Variants in CCDC40 observed in about 807,000 individuals in gnomAD.
The protein encoded by CCDC40 is coiled-coil domain 40 molecular ruler complex subunit, also known as coiled-coil domain-containing protein 40.
A neutral mutation model predicts 124.5 loss-of-function variants in CCDC40; 104 were observed. The observed-to-expected ratio is 0.84, with a 90% CI of 0.71 to 0.98. The LOEUF (loss-of-function observed/expected upper bound fraction) is 0.98. CCDC40 is among the 50% of genes least tolerant of loss of function. CCDC40 has a pLI of 0.00. For missense variants in CCDC40, 1,463 were observed against 1,503.9 expected (o/e 0.97, Z 0.45); for synonymous variants, 580 against 602.9 (o/e 0.96, Z 0.56).
rs1398449246 is a variant in CCDC40 at position 80,040,033 on chromosome 17, G to A, written c.315G>A (p.Gly105=). The A allele has an allele frequency of 1.2e-6, 2 of 1,613,990 alleles. No individual in the cohort carries two copies. The highest frequency in any genetic ancestry group is 1.7e-6 in the Non-Finnish European group (2 of 1,179,962). The change falls in exon 3 of 20, where the codon GGG becomes GGA. Residue 105 remains glycine (G), a synonymous_variant. Coordinates refer to ENST00000397545, the MANE Select transcript of CCDC40 (RefSeq NM_017950.4). ...ATACAGAAACTTCATCCCCGGAAGG[G>A]CAAATCAGTGCTGCAGATACGACTT... ...YYYTETSSPE[G]QISAADTTYP... is the part of the protein sequence containing the mutation.
At chr17:80,050,916 G>A (rs1183514055) in intron 7 of CCDC40, among the ~76,000 whole-genome samples, 5 of 152,200 alleles carry the variant, frequency 3.3e-5, no homozygotes, top group Admixed American at 2.0e-4. Context: ...CAATAGATGC[G>A]AATGCGAGGG....
chr17:80,048,862 C>A, intron 5 of CCDC40, 101 bp downstream of exon 5: 2 of 1,068,248 alleles, frequency 1.9e-6, no homozygotes, highest in Middle Eastern at 2.0e-4. Flanking sequence ...ACCCTAAATG[C>A]TGTACTTGTA....
At chr17:80,095,488 C>T (rs1219639713) in intron 18 of CCDC40, 37 bp downstream of exon 18, 4 of 1,598,428 alleles carry the variant, frequency 2.5e-6, no homozygotes, top group South Asian at 1.1e-5. Flanking sequence ...GCGCCTGCTC[C>T]TCTCTCTGGG....
At chr17:80,072,236 T>C (rs147316428) in intron 10 of CCDC40, among the ~76,000 whole-genome samples, 42 of 152,324 alleles carry the variant, frequency 2.8e-4, no homozygotes, top group Non-Finnish European at 5.1e-4. Flanking sequence ...TATTGGTGCC[T>C]GCTGATCTAC....
At chr17:80,098,526 G>T (rs2038852119) in intron 19 of CCDC40, among the ~76,000 whole-genome samples, 1 of 152,242 alleles carries the variant, frequency 6.6e-6, no homozygotes, top group Admixed American at 6.5e-5. Context: ...ATTCCTGCTG[G>T]GTTGGCTGTG....
At chr17:80,078,901 T>G (rs1372014178) in intron 10 of CCDC40, among the ~76,000 whole-genome samples, 5 of 151,934 alleles carry the variant, frequency 3.3e-5, no homozygotes, top group Admixed American at 1.3e-4. Context: ...TTCTGCTTCA[T>G]GGACATGGCA....
At position 80,038,392 on chromosome 17, in the gene CCDC40, G is replaced by A. The variant is rs567959842; in HGVS notation, c.93+206G>A. On this transcript the variant is annotated intron_variant, in intron 2 of 19. Transcript: ENST00000397545. Reference sequence around the variant, plus strand: ...CTAAAAATATAAAAATTAGCCGGGCGTGGTGGTGCGCACATGTAGTCCCAG... The same window carrying A: ...CTAAAAATATAAAAATTAGCCGGGCATGGTGGTGCGCACATGTAGTCCCAG... 3.9e-5 allele frequency among the ~76,000 whole-genome samples: 6 copies of A among 152,156 alleles called. No individual in the cohort carries two copies. In the East Asian group the frequency reaches 5.8e-4, roughly 15 times the overall value.
intron 16 of CCDC40, chr17:80,088,310 C>T (rs751396191): frequency 1.0e-4 from 61 of 604,918 alleles, no homozygotes; most frequent in Admixed American, 3.6e-4. Context: ...GGAGTGCAGC[C>T]GTGCGATCTC....
At chr17:80,060,637 A>T (rs1383926576) in intron 9 of CCDC40, among the ~76,000 whole-genome samples, 2 of 152,206 alleles carry the variant, frequency 1.3e-5, no homozygotes, top group African/African-American at 4.8e-5. Context: ...GATCCAATGA[A>T]ATATGATCAT....
At chr17:80,075,382 A>G (rs892658082) in intron 10 of CCDC40, among the ~76,000 whole-genome samples, 2 of 151,404 alleles carry the variant, frequency 1.3e-5, no homozygotes, top group African/African-American at 4.9e-5. Context: ...GGTTCAAGCA[A>G]TTCTCCTGCC....
At position 80,081,657 on chromosome 17, in the gene CCDC40, A is replaced by G; in HGVS notation, c.1674A>G (p.Thr558=). The G allele has an allele frequency of 6.2e-7, 1 of 1,614,224 alleles. No homozygotes were observed. The highest frequency in any genetic ancestry group is 1.3e-5 in the African/African-American group (1 of 75,074). Residue 558 remains threonine, a synonymous_variant, in exon 11 of 20, where the codon ACA becomes ACG. Transcript: ENST00000397545. ...AGCTGGCGAGCATCCTGAACCGGACAGAGACGGAAGCCACACTGCTGCAGA... is the reference window on the plus strand; with the variant it reads ...AGCTGGCGAGCATCCTGAACCGGACGGAGACGGAAGCCACACTGCTGCAGA... ...NEKLASILNR[T]ETEATLLQKL...
chr17:80,038,038 C>A, intron 1 of CCDC40, 85 bp from the exon 2 acceptor site: 2 of 860,334 alleles, frequency 2.3e-6, no homozygotes, highest in African/African-American at 1.7e-5. Flanking sequence ...AGTAAATAAA[C>A]AGATGTGCAG....
rs749953267 is a variant in CCDC40, at chr17:80,099,915, C to T, written c.*140C>T. 136 of 905,892 alleles carry T rather than the reference C, an allele frequency of 1.5e-4. 2 individuals carry two copies. In the Middle Eastern group the frequency reaches 1.7e-3, roughly 11 times the overall value. 56.1% of individuals were successfully genotyped at this position (905,892 alleles called of 1,614,324 possible). A position where few individuals can be genotyped will look rare whatever the true frequency, so the allele number is the denominator to read the frequency against. On this transcript the variant is annotated 3_prime_UTR_variant, in exon 20 of 20. Transcript: ENST00000397545. Reference sequence around the variant, plus strand: ...GCATCGTTTAAGAGAAATAAGCCAGCCCCACCCATAGGAATCTTTTTAGCC... The same window carrying T: ...GCATCGTTTAAGAGAAATAAGCCAGTCCCACCCATAGGAATCTTTTTAGCC...
At position 80,066,465 on chromosome 17, in the gene CCDC40, T is replaced by A. The variant is rs964810511; in HGVS notation, c.1562+859T>A. ...CAAATGAATAATATTGGATTAACCA[T>A]ACTCATTTCTGGCCAGGCGCAGTGG... On this transcript the variant is annotated intron_variant, in intron 10 of 19. Coordinates refer to ENST00000397545, the MANE Select transcript of CCDC40 (RefSeq NM_017950.4). The surrounding 1 kb of genome is among the most constrained non-coding windows in gnomAD (Gnocchi z 4.4). 2.7e-6 allele frequency: 1 copy of A among 374,284 alleles called. No homozygotes were observed. Among genetic ancestry groups the A allele is most frequent in the Non-Finnish European group, 4.9e-6 (1 of 205,160 alleles). The allele number at this position is 374,284 out of a possible 1,614,324, so 23.2% of individuals were successfully genotyped here.
At chr17:80,089,038 C>A (rs922950265) in intron 16 of CCDC40, among the ~76,000 whole-genome samples, 1 of 152,242 alleles carries the variant, frequency 6.6e-6, no homozygotes, top group South Asian at 2.1e-4. Flanking sequence ...CTATACAATG[C>A]GTGCAAAGTA....
At chr17:80,079,098 T>A in intron 10 of CCDC40, among the ~76,000 whole-genome samples, 1 of 152,076 alleles carries the variant, frequency 6.6e-6, no homozygotes, top group East Asian at 1.9e-4. Flanking sequence ...CACGCCCGGC[T>A]AATTTTTTTT....
intron 1 of CCDC40, 109 bp downstream of exon 1, chr17:80,036,800 T>TC: frequency 1.0e-6 from 1 of 1,002,806 alleles, no homozygotes; most frequent in Non-Finnish European, 1.4e-6. Flanking sequence ...TCGCCTCCAC[T>TC]CCCCCTTCCT....
In CCDC40 at chr17:80,087,965, A is replaced by G. The variant is rs1015165419; in HGVS notation, c.2620-46A>G. The G allele has an allele frequency of 6.8e-7, 1 of 1,474,606 alleles. No individual in the cohort carries two copies. 91.3% of individuals were successfully genotyped at this position (1,474,606 alleles called of 1,614,324 possible). A position where few individuals can be genotyped will look rare whatever the true frequency, so the allele number is the denominator to read the frequency against. On this transcript the variant is annotated intron_variant, in intron 15 of 19. Transcript: ENST00000397545. This position sits in a 1 kb window ranked among gnomAD's most constrained non-coding sequence, Gnocchi z 4.5. ...GAGGGCACCAGCCCCGGCATCCACA[A>G]TCCCATGGCCCTCCCCACAGCTGTC...
In CCDC40 at chr17:80,048,834, C is replaced by T. The variant is rs2037500270; in HGVS notation, c.855+73C>T. Reference sequence around the variant, plus strand: ...TGACTCAGGCCCCTTTCTCTGCCTGCACTGTCTCCCACTCCTGACCCTAAA... The same window carrying T: ...TGACTCAGGCCCCTTTCTCTGCCTGTACTGTCTCCCACTCCTGACCCTAAA... On this transcript the variant is annotated intron_variant, in intron 5 of 19. Transcript: ENST00000397545. 4.7e-6 allele frequency: 6 copies of T among 1,267,560 alleles called. No individual in the cohort carries two copies. In the Admixed American group the frequency reaches 9.9e-5, roughly 21 times the overall value. The allele number at this position is 1,267,560 out of a possible 1,614,324, so 78.5% of individuals were successfully genotyped here. A position where few individuals can be genotyped will look rare whatever the true frequency, so the allele number is the denominator to read the frequency against.
Sources: allele counts gnomAD v4.1 joint callset (sites outside exome capture counted in the v4.1 genomes callset), GRCh38; gene constraint gnomAD v4.1.1; non-coding constraint Gnocchi (gnomAD v3.1); transcripts MANE v1.5; gene names NCBI Gene and HGNC (gene_info 2026-07-23, HGNC 2026-07-21).